Variants in FAM171A1 observed in about 807,000 individuals in gnomAD.
FAM171A1 encodes family with sequence similarity 171 member A1.
Under a neutral mutation model 74.9 loss-of-function variants are expected in FAM171A1, and 23 were observed. The observed-to-expected ratio is 0.31, with a 90% confidence interval of 0.22 to 0.44. The LOEUF (loss-of-function observed/expected upper bound fraction) is 0.44. FAM171A1 is among the 20% of genes least tolerant of loss of function. FAM171A1 has a pLI of 1.00. For missense variants in FAM171A1, 1,162 were observed against 1,159.2 expected (o/e 1.00, Z -0.03); for synonymous variants, 527 against 505.7 (o/e 1.04, Z -0.57).
At chr10:15,270,875 T>C (rs1035232269) in intron 3 of FAM171A1, among the ~76,000 whole-genome samples, 48 of 152,282 alleles carry the variant, frequency 3.2e-4, no homozygotes, top group African/African-American at 9.9e-4. Flanking sequence ...ACCCCATCTG[T>C]ACGTCACCAT....
At chr10:15,264,700 T>C (rs1319537936) in intron 3 of FAM171A1, among the ~76,000 whole-genome samples, 1 of 152,008 alleles carries the variant, frequency 6.6e-6, no homozygotes, top group Non-Finnish European at 1.5e-5. Flanking sequence ...GGAGGATCAC[T>C]TGAGCTGGGG....
chr10:15,222,439 T>C lies in FAM171A1; in HGVS notation c.755-1379A>G, dbSNP rs568416602. ...CATCGTGTGACTGCGCTGAATACCATAGGCCACCGTCACACAATGGGAAGT... is the reference window on the plus strand; with the variant it reads ...CATCGTGTGACTGCGCTGAATACCACAGGCCACCGTCACACAATGGGAAGT... On this transcript the variant is annotated intron_variant, in intron 5 of 7. Transcript: ENST00000378116. Among the ~76,000 whole-genome samples, 4 of 152,292 alleles carry C rather than the reference T, an allele frequency of 2.6e-5. No homozygotes were observed. In the East Asian group the frequency reaches 5.8e-4, roughly 22 times the overall value.
chr10:15,233,821 G>A (rs1834242715), intron 5 of FAM171A1, among the ~76,000 whole-genome samples: 1 of 151,414 alleles, frequency 6.6e-6, no homozygotes, highest in Non-Finnish European at 1.5e-5. Flanking sequence ...AGAATCGCTT[G>A]AACCAGGGAG....
At chr10:15,315,520 G>C (rs2131842153) in intron 1 of FAM171A1, among the ~76,000 whole-genome samples, 1 of 152,328 alleles carries the variant, frequency 6.6e-6, no homozygotes, top group East Asian at 1.9e-4. Context: ...GCGTGCCTGT[G>C]ACAGCACCCT....
chr10:15,223,205 G>T (rs1011391765), intron 5 of FAM171A1, among the ~76,000 whole-genome samples: 7 of 152,152 alleles, frequency 4.6e-5, no homozygotes, highest in African/African-American at 1.7e-4. Context: ...GTAAGAAAAA[G>T]GTTTTCTCTG....
chr10:15,267,803 G>T (rs191004884), intron 3 of FAM171A1, among the ~76,000 whole-genome samples: 10 of 152,002 alleles, frequency 6.6e-5, no homozygotes, highest in Non-Finnish European at 1.3e-4. Flanking sequence ...AACACGGAGC[G>T]GTGAGGAGGC....
chr10:15,233,294 C>CAA (rs765278859), intron 5 of FAM171A1, among the ~76,000 whole-genome samples: 1 of 135,436 alleles, frequency 7.4e-6, no homozygotes, highest in Non-Finnish European at 1.7e-5. Flanking sequence ...GACTCCGTCT[C>CAA]AAAAAAAAAC....
intron 5 of FAM171A1, among the ~76,000 whole-genome samples, chr10:15,232,358 C>T (rs987848219): frequency 2.6e-5 from 4 of 152,154 alleles, no homozygotes; most frequent in African/African-American, 9.7e-5. Context: ...GTTTCTCCGC[C>T]ATCTGAAATA....
chr10:15,245,111 GC>G (rs1834415519), intron 5 of FAM171A1, among the ~76,000 whole-genome samples: 1 of 151,854 alleles, frequency 6.6e-6, no homozygotes, highest in African/African-American at 2.4e-5. Flanking sequence ...TGTCATCCAA[GC>G]TGGAGTGTGG....
chr10:15,217,016 T>A (rs1181855730), intron 6 of FAM171A1, among the ~76,000 whole-genome samples: 1 of 152,190 alleles, frequency 6.6e-6, no homozygotes, highest in African/African-American at 2.4e-5. Context: ...TAAAATGATA[T>A]CCATCTTTAA....
In FAM171A1 at chr10:15,216,764, A is replaced by G. The variant is rs575431487; in HGVS notation, c.872-654T>C. ...TCTTTTCATACAAGAAAATGAACGC[A>G]TGACGATATAATGACTGGGACTCTC... On this transcript the variant is annotated intron_variant, in intron 6 of 7. Transcript: ENST00000378116. 3.3e-5 allele frequency among the ~76,000 whole-genome samples: 5 copies of G among 151,800 alleles called. No individual in the cohort carries two copies. The South Asian group carries it at 8.3e-4, about 25-fold the overall frequency.
At chr10:15,241,757 T>C (rs1834366857) in intron 5 of FAM171A1, 1 of 152,202 alleles carries the variant, frequency 6.6e-6, no homozygotes, top group Admixed American at 6.5e-5. Context: ...GAGAACACTT[T>C]GAATCCACCC....
chr10:15,214,678 C>T (rs1318673738), intron 7 of FAM171A1, 77 bp from the exon 8 acceptor site: 5 of 1,483,902 alleles, frequency 3.4e-6, no homozygotes, highest in Admixed American at 2.4e-5. Context: ...CAGGTAAAAT[C>T]CTAATTCTCA....
At chr10:15,335,188 G>A (rs894231123) in intron 1 of FAM171A1, among the ~76,000 whole-genome samples, 2 of 152,286 alleles carry the variant, frequency 1.3e-5, no homozygotes, top group Middle Eastern at 3.4e-3. Flanking sequence ...AATTTGCAGT[G>A]AGCAGAGATC....
At chr10:15,242,023 C>T (rs1005683383) in intron 5 of FAM171A1, among the ~76,000 whole-genome samples, 6 of 152,064 alleles carry the variant, frequency 3.9e-5, no homozygotes, top group African/African-American at 1.4e-4. Context: ...CCATTTCTGG[C>T]TGTTAAACAA....
chr10:15,277,208 C>T (rs1234621604), intron 2 of FAM171A1, among the ~76,000 whole-genome samples: 1 of 152,134 alleles, frequency 6.6e-6, no homozygotes, highest in Non-Finnish European at 1.5e-5. Context: ...ACAGCTCTAT[C>T]ACTTAGGCAT....
chr10:15,214,631 A>C (rs1833944620), intron 7 of FAM171A1, 30 bp from the exon 8 acceptor site: 1 of 1,519,776 alleles, frequency 6.6e-7, no homozygotes, highest in South Asian at 1.3e-5. Context: ...CCAAAGCCAA[A>C]GATTAGTGAT....
At chr10:15,292,237 G>A (rs1835110822) in intron 1 of FAM171A1, among the ~76,000 whole-genome samples, 1 of 152,020 alleles carries the variant, frequency 6.6e-6, no homozygotes, top group Non-Finnish European at 1.5e-5. Context: ...CTTCACCTTG[G>A]GGGTTAAGAT....
intron 1 of FAM171A1, among the ~76,000 whole-genome samples, chr10:15,335,411 G>A (rs1457969485): frequency 6.6e-6 from 1 of 152,128 alleles, no homozygotes; most frequent in Admixed American, 6.5e-5. Flanking sequence ...AAACTTACAT[G>A]AACAAATGCT....
Sources: allele counts gnomAD v4.1 joint callset (sites outside exome capture counted in the v4.1 genomes callset), GRCh38; gene constraint gnomAD v4.1.1; transcripts MANE v1.5; gene names NCBI Gene and HGNC (gene_info 2026-07-23, HGNC 2026-07-21).